The following ZNF469 variants were observed in gnomAD, a reference collection of about 807,000 sequenced individuals.
The protein encoded by ZNF469 is zinc finger protein 469.
In ZNF469, 1 loss-of-function variant was observed where a neutral mutation model predicts 1.0. The ratio of observed to expected loss-of-function variants is 1.00; its 90% CI spans 0.35 to 4.73. The LOEUF is 4.73. Ranked by LOEUF, ZNF469 falls within the 30% of genes most tolerant of loss-of-function variation. ZNF469 has a pLI of 0.16. For missense variants in ZNF469, 6,100 were observed against 5,356.3 expected, an observed-to-expected ratio of 1.14 and a Z score of -4.33; for synonymous variants, 2,703 against 2,363.4, an observed-to-expected ratio of 1.14 and a Z score of -4.17.
chr16:88,337,744 C>T, the ZNF469 span, among the ~76,000 whole-genome samples: 2 of 152,206 alleles, frequency 1.3e-5, no homozygotes, highest in African/African-American at 2.4e-5. Flanking sequence ...CTGTGACGCA[C>T]GTTTCCCTGG....
chr16:88,240,536 A>G, the ZNF469 span, among the ~76,000 whole-genome samples: 1 of 152,176 alleles, frequency 6.6e-6, no homozygotes, highest in African/African-American at 2.4e-5. Flanking sequence ...GGAATGCACT[A>G]ATATGCAGAA....
the ZNF469 span, among the ~76,000 whole-genome samples, chr16:88,155,693 C>T: frequency 6.6e-6 from 1 of 152,172 alleles, no homozygotes; most frequent in Non-Finnish European, 1.5e-5. Context: ...ACAGTTTATG[C>T]ATGAATTTGG....
chr16:88,108,408 C>T, the ZNF469 span, among the ~76,000 whole-genome samples: 1,594 of 152,302 alleles, frequency 0.01, 27 homozygotes, highest in African/African-American at 0.035. Context: ...AGTGGTCACA[C>T]CCGACGTCTC....
At chr16:88,410,753 G>C (rs1905135895) in intron 1 of ZNF469, among the ~76,000 whole-genome samples, 1 of 152,148 alleles carries the variant, frequency 6.6e-6, no homozygotes, top group Non-Finnish European at 1.5e-5. Flanking sequence ...ACAGTTCACA[G>C]TAACGTCTAT....
At chr16:88,266,270 G>A in the ZNF469 span, among the ~76,000 whole-genome samples, 2 of 152,234 alleles carry the variant, frequency 1.3e-5, no homozygotes, top group African/African-American at 4.8e-5. Context: ...GCTATGGGGG[G>A]ACTTGGGGCC....
chr16:88,230,584 ACTGGGCT>A, the ZNF469 span, among the ~76,000 whole-genome samples: 1 of 117,202 alleles, frequency 8.5e-6, no homozygotes, highest in Non-Finnish European at 2.0e-5. Context: ...GCTGTGGGTA[ACTGGGCT>A]CTGAGCCTCC....
the ZNF469 span, among the ~76,000 whole-genome samples, chr16:88,245,890 A>G: frequency 4.6e-5 from 7 of 152,286 alleles, no homozygotes; most frequent in Admixed American, 3.9e-4. Flanking sequence ...GCAGCCGAAC[A>G]GACCACAGGG....
chr16:88,355,458 C>T, the ZNF469 span, among the ~76,000 whole-genome samples: 3 of 152,360 alleles, frequency 2.0e-5, no homozygotes, highest in African/African-American at 7.2e-5. Context: ...TGGACCCTTA[C>T]CTGGCCTGAA....
chr16:88,218,158 A>G, the ZNF469 span, among the ~76,000 whole-genome samples: 9 of 146,060 alleles, frequency 6.2e-5, no homozygotes, highest in South Asian at 9.0e-4. Context: ...ATGGTATCTC[A>G]TTGTGGTTTT....
rs273585618 is a variant in ZNF469 at position 88,430,169 on chromosome 16, C to G, written c.2699C>G (p.Pro900Arg). ...GVTPESKAPP[P>R]LPAATPDPQT... ...ACTCCAGAGAGCAAAGCTCCGCCCC[C>G]GCTCCCAGCAGCCACGCCGGACCCC... Residue 900 changes from proline (P) to arginine (R), a missense_variant, in exon 3 of 3, where the codon CCG becomes CGG. Transcript: ENST00000565624. 6.5e-7 allele frequency: 1 copy of G among 1,548,864 alleles called. No homozygotes were observed. The highest frequency in any genetic ancestry group is 8.7e-7 in the Non-Finnish European group (1 of 1,145,946).
chr16:88,365,927 C>G, the ZNF469 span, among the ~76,000 whole-genome samples: 1 of 152,210 alleles, frequency 6.6e-6, no homozygotes, highest in Non-Finnish European at 1.5e-5. Flanking sequence ...CTCTTCCAAC[C>G]AGCCATACAC....
the ZNF469 span, among the ~76,000 whole-genome samples, chr16:88,167,976 C>T: frequency 0.059 from 9,027 of 152,310 alleles, 306 homozygotes; most frequent in African/African-American, 0.086. Flanking sequence ...GAATCTGGCA[C>T]GACCTGTCAT....
Position 88,434,931 on chromosome 16 carries a change from G to A in ZNF469, c.7461G>A (p.Leu2487=). 6.5e-7 allele frequency: 1 copy of A among 1,550,154 alleles called. No homozygotes were observed. Among genetic ancestry groups the A allele is most frequent in the Non-Finnish European group, 8.7e-7 (1 of 1,146,970 alleles). The change falls in exon 3 of 3, where the codon CTG becomes CTA. Residue 2487 remains leucine, a synonymous_variant. Coordinates refer to ENST00000565624, the MANE Select transcript of ZNF469 (RefSeq NM_001367624.2). ...CAASFRSGPG[L]SRHKARKHRP... The stretch of plus-strand genomic sequence containing the variant: ...CCTCCTTCCGCTCCGGGCCGGGCCT[G>A]AGCCGGCACAAGGCCAGGAAGCACC...
At chr16:88,104,349 T>C in the ZNF469 span, among the ~76,000 whole-genome samples, 2 of 151,836 alleles carry the variant, frequency 1.3e-5, no homozygotes, top group Non-Finnish European at 2.9e-5. Flanking sequence ...TGCAGAGAGA[T>C]GTGCACCCAC....
chr16:88,346,350 C>T, the ZNF469 span, among the ~76,000 whole-genome samples: 1 of 152,186 alleles, frequency 6.6e-6, no homozygotes, highest in Non-Finnish European at 1.5e-5. Context: ...CACTAATCAC[C>T]AAAACAGACC....
chr16:88,437,177 C>A lies in ZNF469; in HGVS notation c.9707C>A (p.Pro3236His), dbSNP rs1300846498. The change falls in exon 3 of 3, where the codon CCC becomes CAC. Residue 3236 changes from proline to histidine, a missense_variant. Pro to His is a moderately conservative substitution (Grantham distance 77). Transcript: ENST00000565624. ...CTGAACAGCATCACGGAACCCGCGCCCAAACACCACAGGGGCAAGCGCTCC... is the reference window on the plus strand; with the variant it reads ...CTGAACAGCATCACGGAACCCGCGCACAAACACCACAGGGGCAAGCGCTCC... ...HLLNSITEPA[P>H]KHHRGKRSAG... 3 of 1,549,522 alleles carry A rather than the reference C, an allele frequency of 1.9e-6. No homozygotes were observed. The highest frequency in any genetic ancestry group is 2.6e-6 in the Non-Finnish European group (3 of 1,146,598).
Position 88,429,979 on chromosome 16 carries a change from G to A in ZNF469, c.2509G>A (p.Asp837Asn). ...LPASDLDMED[D>N]AKLDSLITEA... is the part of the protein sequence containing the mutation. Reference sequence around the variant, plus strand: ...TGCCTCGGACCTGGACATGGAGGATGACGCCAAGCTGGACAGCCTCATCAC... The same window carrying A: ...TGCCTCGGACCTGGACATGGAGGATAACGCCAAGCTGGACAGCCTCATCAC... The change falls in exon 3 of 3, where the codon GAC becomes AAC. Residue 837 changes from aspartate to asparagine, a missense_variant. Physicochemically the swap from Asp to Asn is conservative, Grantham distance 23. Transcript: ENST00000565624. 1 of 1,550,354 alleles carries A rather than the reference G, an allele frequency of 6.5e-7. No homozygotes were observed. The highest frequency in any genetic ancestry group is 1.2e-5 in the South Asian group (1 of 84,064).
the ZNF469 span, among the ~76,000 whole-genome samples, chr16:88,181,730 C>T: frequency 6.6e-6 from 1 of 152,152 alleles, no homozygotes; most frequent in Non-Finnish European, 1.5e-5. Flanking sequence ...GTAATCTAAG[C>T]TTCTACCCTT....
the ZNF469 span, among the ~76,000 whole-genome samples, chr16:88,228,545 A>C: frequency 2.6e-5 from 4 of 152,222 alleles, no homozygotes; most frequent in African/African-American, 9.7e-5. Flanking sequence ...CCTGGGGAGG[A>C]GAATATTTTC....
Sources: gnomAD v4.1 joint callset for allele counts (sites outside exome capture counted in the v4.1 genomes callset) on GRCh38, gnomAD v4.1.1 for gene constraint, MANE v1.5 for transcripts, NCBI Gene and HGNC (gene_info 2026-07-23, HGNC 2026-07-21) for gene names.